Variants in TRAPPC8 observed in about 807,000 individuals in gnomAD.
TRAPPC8 encodes general sporulation gene 1 homolog.
TRAPPC8 carries 54 observed loss-of-function variants against 174.3 expected under a neutral mutation model. The observed-to-expected ratio is 0.31, with a 90% CI of 0.25 to 0.39. The LOEUF (loss-of-function observed/expected upper bound fraction) is 0.39, where lower values mean the gene tolerates loss of function less well. TRAPPC8 is among the 10% of genes least tolerant of loss of function. The pLI is 1.00. For synonymous variants in TRAPPC8, 630 were observed against 579.9 expected (o/e 1.09, Z -1.24); for missense variants, 1,531 against 1,699.1 (o/e 0.90, Z 1.74).
chr18:31,858,058 C>CCA, intron 19 of TRAPPC8, 76 bp from the exon 20 acceptor site: 1 of 977,216 alleles, frequency 1.0e-6, no homozygotes. Flanking sequence ...CTTTAAGACA[C>CCA]TTTTTTTTTT....
Position 31,888,398 on chromosome 18 carries a change from T to C in TRAPPC8, c.1728+2337A>G, listed in dbSNP as rs372967253. Among the ~76,000 whole-genome samples, 12 of 152,240 alleles carry C rather than the reference T, an allele frequency of 7.9e-5. No individual in the cohort carries two copies. In the East Asian group the frequency reaches 2.1e-3, roughly 27 times the overall value. The stretch of plus-strand genomic sequence containing the variant: ...AAAATACAGTATTAGCCGAGCATGG[T>C]GATGCATGCCTGTAATCCCAGCTAC... On this transcript the variant is annotated intron_variant, in intron 12 of 28. Coordinates refer to ENST00000283351, the MANE Select transcript of TRAPPC8 (RefSeq NM_014939.5).
chr18:31,886,684 T>C (rs1193464318), intron 12 of TRAPPC8, among the ~76,000 whole-genome samples: 2 of 152,210 alleles, frequency 1.3e-5, no homozygotes, highest in Non-Finnish European at 2.9e-5. Context: ...AATTGAACTA[T>C]AAACAACTTC....
chr18:31,903,825 A>C (rs533637844), intron 9 of TRAPPC8, among the ~76,000 whole-genome samples: 2 of 152,108 alleles, frequency 1.3e-5, no homozygotes, highest in East Asian at 3.9e-4. Context: ...CAGGAATTCA[A>C]GACTAGCCTG....
chr18:31,913,521 C>T lies in TRAPPC8; in HGVS notation c.619G>A (p.Ala207Thr). ...TTCATTTCTTCATAAATTGATTCAG[C>T]TCTAAAACAGAAAATGGAAAAAAAT... The part of the protein sequence containing the change: ...HDVSAGDEQR[A>T]ESIYEEMKQK... The change falls in exon 5 of 29, where the codon GCT becomes ACT. Residue 207 changes from alanine (A) to threonine (T), a missense_variant and splice_region_variant. Coordinates refer to ENST00000283351, the MANE Select transcript of TRAPPC8 (RefSeq NM_014939.5). 1.3e-6 allele frequency: 2 copies of T among 1,580,046 alleles called. No homozygotes were observed. Among genetic ancestry groups the T allele is most frequent in the Non-Finnish European group, 1.7e-6 (2 of 1,168,222 alleles).
chr18:31,935,896 C>T (rs2038076527), intron 1 of TRAPPC8, among the ~76,000 whole-genome samples: 2 of 150,870 alleles, frequency 1.3e-5, no homozygotes, highest in African/African-American at 4.9e-5. Context: ...CCACCACACC[C>T]GGCTAATTTT....
At position 31,864,629 on chromosome 18, in the gene TRAPPC8, C is replaced by G; in HGVS notation, c.2743G>C (p.Glu915Gln). 6.2e-7 allele frequency: 1 copy of G among 1,611,332 alleles called. No individual in the cohort carries two copies. ...PIITEEMPLL[E>Q]VFFIHFPTGL... The stretch of plus-strand genomic sequence containing the variant: ...TGAAATTTTAAAAAGTGAAATACCT[C>G]CAACAGTGGCATTTCTTCTGTGATT... The change falls in exon 19 of 29, where the codon GAG (glutamate) becomes CAG (glutamine). Residue 915 changes from glutamate to glutamine, a missense_variant and splice_region_variant. Physicochemically the swap from Glu to Gln is conservative, Grantham distance 29. Coordinates refer to ENST00000283351, the MANE Select transcript of TRAPPC8 (RefSeq NM_014939.5).
chr18:31,939,002 C>A (rs926146548), intron 1 of TRAPPC8, among the ~76,000 whole-genome samples: 3 of 149,004 alleles, frequency 2.0e-5, no homozygotes, highest in Non-Finnish European at 4.4e-5. Context: ...ATCACTTGAA[C>A]CCGGGAGGCG....
At position 31,855,737 on chromosome 18, in the gene TRAPPC8, T is replaced by C. The variant is rs780252144; in HGVS notation, c.3259A>G (p.Arg1087Gly). 1.2e-5 allele frequency: 20 copies of C among 1,612,114 alleles called. No homozygotes were observed. Among genetic ancestry groups the C allele is most frequent in the Middle Eastern group, 3.3e-4 (2 of 6,058 alleles). The change falls in exon 21 of 29, where the codon AGA (arginine) becomes GGA (glycine). Residue 1087 changes from arginine to glycine, a missense_variant. Arg to Gly is a moderately radical substitution (Grantham distance 125). Transcript: ENST00000283351. ...TCTTCATTTTCAAGAGAATTACTTC[T>C]GCAGACAGTGGCCCGTACATTTAAA... ...RSLNVRATVC[R>G]SNSLENEEGR...
chr18:31,939,072 G>C (rs1243087288), intron 1 of TRAPPC8, among the ~76,000 whole-genome samples: 2 of 101,684 alleles, frequency 2.0e-5, no homozygotes, highest in East Asian at 7.3e-4. Context: ...GACAGAGCGA[G>C]ACTCCGTCTC....
chr18:31,848,571 C>A (rs2033534802), intron 25 of TRAPPC8, among the ~76,000 whole-genome samples: 1 of 152,148 alleles, frequency 6.6e-6, no homozygotes, highest in South Asian at 2.1e-4. Flanking sequence ...TAGTAGATTT[C>A]ATTTGAAACA....
chr18:31,831,863 CTGGATTTTTTTT>C (rs1349676781), intron 28 of TRAPPC8, among the ~76,000 whole-genome samples: 1 of 151,862 alleles, frequency 6.6e-6, no homozygotes, highest in Non-Finnish European at 1.5e-5. Context: ...GACTGTGGAT[CTGGATTTTTTTT>C]TGTTGTTAAG....
chr18:31,924,240 G>A lies in TRAPPC8; in HGVS notation c.353-6573C>T, dbSNP rs142187066. ...GCAGAGGTTGCAGTGAGCCGAGGTC[G>A]CGCCATTGCACTCCAGCCTGGGCAA... On this transcript the variant is annotated intron_variant, in intron 2 of 28. Transcript: ENST00000283351. Among the ~76,000 whole-genome samples, 913 of 151,752 alleles carry A rather than the reference G, an allele frequency of 6.0e-3. 8 individuals carry two copies. The highest frequency in any genetic ancestry group is 0.021 in the African/African-American group (860 of 41,376).
chr18:31,854,017 A>T, intron 21 of TRAPPC8, 72 bp from the exon 22 acceptor site: 1 of 1,139,616 alleles, frequency 8.8e-7, no homozygotes. Context: ...TGAGAATAAA[A>T]TTCAGACACT....
intron 2 of TRAPPC8, among the ~76,000 whole-genome samples, chr18:31,919,035 C>T (rs2037264375): frequency 6.6e-6 from 1 of 152,146 alleles, no homozygotes; most frequent in African/African-American, 2.4e-5. Flanking sequence ...ACTGGAAGGG[C>T]TGAGGACAAA....
At chr18:31,916,133 T>G (rs1023876360) in intron 4 of TRAPPC8, 139 bp downstream of exon 4, 20 of 580,616 alleles carry the variant, frequency 3.4e-5, no homozygotes, top group Non-Finnish European at 5.2e-5. Flanking sequence ...AACATAAAGT[T>G]AAATGCTTTA....
chr18:31,921,166 C>A, intron 2 of TRAPPC8, among the ~76,000 whole-genome samples: 1 of 150,882 alleles, frequency 6.6e-6, no homozygotes, highest in African/African-American at 2.4e-5. Context: ...CATTTTTGTG[C>A]AAAAAAAGGA....
chr18:31,873,551 T>C lies in TRAPPC8; in HGVS notation c.1954-13A>G, dbSNP rs1486899354. ...GCTGACTTACATTCTGAGAGAAATA[T>C]AAAAGGGAAAAAAAGTAGTTTTTGT... is the stretch of plus-strand genomic sequence containing the variant. On this transcript the variant is annotated splice_polypyrimidine_tract_variant and intron_variant, in intron 13 of 28. Coordinates refer to ENST00000283351, the MANE Select transcript of TRAPPC8 (RefSeq NM_014939.5). 3 of 1,585,310 alleles carry C rather than the reference T, an allele frequency of 1.9e-6. No individual in the cohort carries two copies. Among genetic ancestry groups the C allele is most frequent in the South Asian group, 2.3e-5 (2 of 86,422 alleles).
intron 12 of TRAPPC8, among the ~76,000 whole-genome samples, chr18:31,889,676 C>G (rs1172564538): frequency 6.6e-6 from 1 of 152,064 alleles, no homozygotes; most frequent in Non-Finnish European, 1.5e-5. Flanking sequence ...TGGAGTGTAT[C>G]AATTATTATA....
chr18:31,933,563 A>C (rs2037947280), intron 1 of TRAPPC8, among the ~76,000 whole-genome samples: 1 of 152,192 alleles, frequency 6.6e-6, no homozygotes, highest in Admixed American at 6.5e-5. Flanking sequence ...TGAAGGCGGT[A>C]TAGCAGCAGC....
Sources: gnomAD v4.1 joint callset for allele counts (sites outside exome capture counted in the v4.1 genomes callset) on GRCh38, gnomAD v4.1.1 for gene constraint, MANE v1.5 for transcripts, NCBI Gene and HGNC (gene_info 2026-07-23, HGNC 2026-07-21) for gene names.